EHMT1: variants seen among roughly 807,000 people sequenced by gnomAD.
The protein encoded by EHMT1 is histone-lysine N-methyltransferase EHMT1.
A neutral mutation model predicts 147.2 loss-of-function variants in EHMT1; 15 were observed. The ratio of observed to expected loss-of-function variants is 0.10; its 90% CI spans 0.07 to 0.16. The LOEUF is 0.16. EHMT1 is among the 10% of genes least tolerant of loss of function. The probability of loss-of-function intolerance (pLI) is 1.00; values close to 1 mark genes in which losing one functional copy is unlikely to be tolerated. For synonymous variants in EHMT1, 795 were observed against 709.6 expected (o/e 1.12, Z -1.91); for missense variants, 1,587 against 1,772.4 (o/e 0.90, Z 1.88).
chr9:137,645,365 A>G (rs1005602714), intron 1 of EHMT1, among the ~76,000 whole-genome samples: 1 of 152,224 alleles, frequency 6.6e-6, no homozygotes, highest in African/African-American at 2.4e-5. Context: ...GTAGACAGGA[A>G]CCATTTATCC....
At chr9:137,759,189 C>T (rs921164519) in intron 9 of EHMT1, among the ~76,000 whole-genome samples, 1 of 152,058 alleles carries the variant, frequency 6.6e-6, no homozygotes, top group East Asian at 1.9e-4. Context: ...TAGCCTAGTC[C>T]GTCATGGAAA....
chr9:137,619,832 T>C (rs2133389292), intron 1 of EHMT1, among the ~76,000 whole-genome samples: 1 of 152,142 alleles, frequency 6.6e-6, no homozygotes, highest in Admixed American at 6.6e-5. Flanking sequence ...AGTGGACCAC[T>C]GGCGTCCCTC....
chr9:137,822,591 A>T (rs1240747580), intron 25 of EHMT1, among the ~76,000 whole-genome samples: 1 of 151,882 alleles, frequency 6.6e-6, no homozygotes, highest in Non-Finnish European at 1.5e-5. Context: ...TTGTGAAGTA[A>T]TTTTTAAAAT....
At chr9:137,761,979 C>A (rs1949860979) in intron 9 of EHMT1, among the ~76,000 whole-genome samples, 1 of 152,240 alleles carries the variant, frequency 6.6e-6, no homozygotes, top group Non-Finnish European at 1.5e-5. Flanking sequence ...CCTTGCCCGT[C>A]TCTCCCATCC....
At chr9:137,766,636 A>AACAAAT (rs1413176097) in intron 10 of EHMT1, among the ~76,000 whole-genome samples, 2 of 151,996 alleles carry the variant, frequency 1.3e-5, no homozygotes, top group Non-Finnish European at 2.9e-5. Flanking sequence ...CAAAAACAAA[A>AACAAAT]ACTACCTGTT....
chr9:137,815,670 G>A (rs759520163), intron 22 of EHMT1: 1 of 475,066 alleles, frequency 2.1e-6, no homozygotes, highest in Non-Finnish European at 3.9e-6. Flanking sequence ...CAGGCTGGGG[G>A]CTGGGAAGGC....
chr9:137,643,344 T>C (rs1844635541), intron 1 of EHMT1, among the ~76,000 whole-genome samples: 1 of 147,966 alleles, frequency 6.8e-6, no homozygotes, highest in Non-Finnish European at 1.5e-5. Flanking sequence ...AAGGTTTTTT[T>C]TTTTTTTTTT....
intron 1 of EHMT1, among the ~76,000 whole-genome samples, chr9:137,659,968 A>G (rs1938902395): frequency 6.6e-6 from 1 of 151,936 alleles, no homozygotes; most frequent in Non-Finnish European, 1.5e-5. Flanking sequence ...TGTTTTTGGC[A>G]TGTAATTGAC....
At chr9:137,796,933 T>C (rs962344240) in intron 16 of EHMT1, among the ~76,000 whole-genome samples, 1 of 152,110 alleles carries the variant, frequency 6.6e-6, no homozygotes, top group African/African-American at 2.4e-5. Context: ...GCGCGGGGAC[T>C]GCAGGCTGCC....
At chr9:137,693,676 C>G (rs1287669510) in intron 1 of EHMT1, among the ~76,000 whole-genome samples, 1 of 30,172 alleles carries the variant, frequency 3.3e-5, no homozygotes, top group East Asian at 9.9e-4. Context: ...GGCCGATACC[C>G]CCCACACAGT....
At chr9:137,662,776 TTTTATTTATTTATTTA>T (rs150295245) in intron 1 of EHMT1, among the ~76,000 whole-genome samples, 5 of 134,030 alleles carry the variant, frequency 3.7e-5, no homozygotes, top group Non-Finnish European at 7.9e-5. Flanking sequence ...CTGGCCTGAA[TTTTATTTATTTATTTA>T]TTTATTTATT....
At chr9:137,693,234 G>A (rs2134940396) in intron 1 of EHMT1, among the ~76,000 whole-genome samples, 1 of 152,166 alleles carries the variant, frequency 6.6e-6, no homozygotes, top group Non-Finnish European at 1.5e-5. Flanking sequence ...TCAAGTTAGC[G>A]GGTATCTAAC....
rs990229301 is a variant in EHMT1 at position 137,716,931 on chromosome 9, G to C, written c.391G>C (p.Ala131Pro). 1.2e-6 allele frequency: 2 copies of C among 1,612,924 alleles called. No individual in the cohort carries two copies. The highest frequency in any genetic ancestry group is 3.3e-5 in the Admixed American group (2 of 59,990). ...CAACGGATACATCTTAAATAAGCCG[G>C]CCCTACAGGCACAGCCCTTGAGGAC... ...GSNGYILNKPALQAQPLRTTS... is the reference protein window; with the variant it reads ...GSNGYILNKPPLQAQPLRTTS... The change falls in exon 3 of 27, where the codon GCC (alanine) becomes CCC (proline). Residue 131 changes from alanine (A) to proline (P), a missense_variant. Around this residue, in one of 7 missense-constraint regions of EHMT1, gnomAD observed 810 missense variants for 673.0 expected, o/e 1.20. Coordinates refer to ENST00000460843, the MANE Select transcript of EHMT1 (RefSeq NM_024757.5).
intron 22 of EHMT1, 102 bp from the exon 23 acceptor site, chr9:137,815,845 T>G: frequency 1.0e-6 from 1 of 991,014 alleles, no homozygotes; most frequent in Non-Finnish European, 1.6e-6. Flanking sequence ...CGTTTTTATG[T>G]CCGTTTAAGC....
chr9:137,647,030 A>G (rs1844940739), intron 1 of EHMT1, among the ~76,000 whole-genome samples: 1 of 152,070 alleles, frequency 6.6e-6, no homozygotes, highest in African/African-American at 2.4e-5. Context: ...AGCATTTGTT[A>G]TCATAATTCA....
intron 24 of EHMT1, 41 bp from the exon 25 acceptor site, chr9:137,818,019 C>T (rs376124897): frequency 2.0e-5 from 32 of 1,604,316 alleles, no homozygotes; most frequent in Non-Finnish European, 2.5e-5. Context: ...GGGCAGTGCT[C>T]GCTGCCTTCC....
chr9:137,808,857 A>G (rs1954173905), intron 18 of EHMT1, among the ~76,000 whole-genome samples: 1 of 152,188 alleles, frequency 6.6e-6, no homozygotes, highest in Non-Finnish European at 1.5e-5. Context: ...CCAGAGGCAG[A>G]GGTTGCAGTG....
At chr9:137,789,722 T>TTTTTG (rs772509272) in intron 15 of EHMT1, among the ~76,000 whole-genome samples, 82 of 152,212 alleles carry the variant, frequency 5.4e-4, no homozygotes, top group African/African-American at 1.2e-3. Flanking sequence ...GTTTTGTGGT[T>TTTTTG]TTTTGTTTTG....
At chr9:137,656,555 G>T (rs1938469512) in intron 1 of EHMT1, among the ~76,000 whole-genome samples, 1 of 152,124 alleles carries the variant, frequency 6.6e-6, no homozygotes, top group South Asian at 2.1e-4. Flanking sequence ...CAGTGCCCAT[G>T]CTGGGCTTCG....
Sources: allele counts gnomAD v4.1 joint callset (sites outside exome capture counted in the v4.1 genomes callset), GRCh38; gene constraint gnomAD v4.1.1; regional missense constraint gnomAD v4.1.1; transcripts MANE v1.5; gene names NCBI Gene and HGNC (gene_info 2026-07-23, HGNC 2026-07-21).